TXNL1: variants seen among roughly 807,000 people sequenced by gnomAD.
TXNL1 encodes thioredoxin-like protein 1.
A neutral mutation model predicts 35.5 loss-of-function variants in TXNL1; 14 were observed. That is an observed-to-expected ratio of 0.39 (90% confidence interval 0.26 to 0.62). TXNL1 has a LOEUF of 0.62. TXNL1 is among the 20% of genes least tolerant of loss of function. The probability of loss-of-function intolerance (pLI) is 0.47; values close to 1 mark genes in which losing one functional copy is unlikely to be tolerated. For missense variants in TXNL1, 263 were observed against 349.7 expected, an observed-to-expected ratio of 0.75 and a Z score of 1.98; for synonymous variants, 110 against 115.5, an observed-to-expected ratio of 0.95 and a Z score of 0.31.
At chr18:56,626,168 CAATT>C (rs2024274778) in intron 2 of TXNL1, 189 bp downstream of exon 2, 4 of 1,304,222 alleles carry the variant, frequency 3.1e-6, no homozygotes, top group South Asian at 2.5e-5. Context: ...AAACCTGAAG[CAATT>C]AATAATGTGC....
Position 56,597,619 on chromosome 18 carries a change from T to G in TXNL1, c.*5408A>C, listed in dbSNP as rs1447471925. On this transcript the variant is annotated 3_prime_UTR_variant, in exon 8 of 8. Coordinates refer to ENST00000217515, the MANE Select transcript of TXNL1 (RefSeq NM_004786.3). ...TCCAGGTTCCTCTTTTCCCAATTCT[T>G]TAATATTTCTTAGGATTCCCTAACA... 1 of 152,220 alleles carries G rather than the reference T, an allele frequency of 6.6e-6. No homozygotes were observed. The highest frequency in any genetic ancestry group is 2.4e-5 in the African/African-American group (1 of 41,452). The allele number at this position is 152,220 out of a possible 1,614,324, so 9.4% of individuals were successfully genotyped here.
At chr18:56,616,145 A>AG in intron 5 of TXNL1, 100 bp downstream of exon 5, 1 of 1,110,138 alleles carries the variant, frequency 9.0e-7, no homozygotes, top group Non-Finnish European at 1.3e-6. Context: ...AAAAAAAAAA[A>AG]AGAAAAAACA....
At chr18:56,608,508 T>G (rs1167030231) in intron 7 of TXNL1, 2 of 152,182 alleles carry the variant, frequency 1.3e-5, no homozygotes, top group African/African-American at 4.8e-5. Context: ...GGGAGTAGAT[T>G]ATGGTATTCA....
chr18:56,632,038 T>C (rs563985469), intron 1 of TXNL1, among the ~76,000 whole-genome samples: 33 of 151,840 alleles, frequency 2.2e-4, no homozygotes, highest in Middle Eastern at 3.4e-3. Flanking sequence ...ACACCAAACA[T>C]CCTAGTTGGC....
chr18:56,632,280 C>T (rs57447599), intron 1 of TXNL1, among the ~76,000 whole-genome samples: 5,696 of 151,592 alleles, frequency 0.038, 356 homozygotes, highest in African/African-American at 0.13. Flanking sequence ...TCTAAAGCCA[C>T]AGTTAAAGAA....
At chr18:56,603,988 T>C (rs969020886) in intron 7 of TXNL1, among the ~76,000 whole-genome samples, 1 of 152,198 alleles carries the variant, frequency 6.6e-6, no homozygotes, top group African/African-American at 2.4e-5. Context: ...CATCAGTACA[T>C]GTCTGGTCTA....
Position 56,610,361 on chromosome 18 carries a change from A to G in TXNL1, c.840+632T>C, listed in dbSNP as rs1312227484. 5 of 152,408 alleles carry G rather than the reference A, an allele frequency of 3.3e-5. No homozygotes were observed. In the East Asian group the frequency reaches 9.6e-4, roughly 29 times the overall value. The allele number at this position is 152,408 out of a possible 1,614,324, so 9.4% of individuals were successfully genotyped here. ...TTCCAGTAATGTACAGAAGGAATTA[A>G]TCTGGATTAACAAAGGTCCCATGTA... is the stretch of plus-strand genomic sequence containing the variant. On this transcript the variant is annotated intron_variant, in intron 7 of 7. Transcript: ENST00000217515.
At chr18:56,617,970 A>G (rs1318159895) in intron 4 of TXNL1, 34 bp downstream of exon 4, 1 of 1,610,360 alleles carries the variant, frequency 6.2e-7, no homozygotes, top group South Asian at 1.1e-5. Context: ...AAATAGTGAT[A>G]ATCTCCACAA....
intron 6 of TXNL1, 37 bp from the exon 7 acceptor site, chr18:56,611,134 T>G (rs1199336631): frequency 7.6e-7 from 1 of 1,311,336 alleles, no homozygotes; most frequent in African/African-American, 1.5e-5. Flanking sequence ...ATTACAATCC[T>G]TCTTCACAAA....
chr18:56,601,800 C>G lies in TXNL1; in HGVS notation c.*1227G>C, dbSNP rs1360178856. 1 of 152,140 alleles carries G rather than the reference C, an allele frequency of 6.6e-6. No individual in the cohort carries two copies. The highest frequency in any genetic ancestry group is 1.5e-5 in the Non-Finnish European group (1 of 68,028). The allele number at this position is 152,140 out of a possible 1,614,324, so 9.4% of individuals were successfully genotyped here. The stretch of plus-strand genomic sequence containing the variant: ...CTTTAAAAATAGTTTTCAAAATACT[C>G]AGAAATTTTAAAATTAAAACTACCA... On this transcript the variant is annotated 3_prime_UTR_variant, in exon 8 of 8. Transcript: ENST00000217515.
chr18:56,603,478 A>G (rs1398230769), intron 7 of TXNL1, among the ~76,000 whole-genome samples: 1 of 152,140 alleles, frequency 6.6e-6, no homozygotes, highest in Non-Finnish European at 1.5e-5. Flanking sequence ...CCAATATAGC[A>G]AATTTCCAGA....
At chr18:56,638,309 G>T in intron 1 of TXNL1, 34 bp downstream of exon 1, 3 of 1,583,704 alleles carry the variant, frequency 1.9e-6, no homozygotes, top group Non-Finnish European at 2.6e-6. Context: ...AGGAAGGACA[G>T]ACGGGGACCC....
chr18:56,605,443 T>G (rs1472891862), intron 7 of TXNL1, among the ~76,000 whole-genome samples: 6 of 152,242 alleles, frequency 3.9e-5, no homozygotes, highest in African/African-American at 1.4e-4. Flanking sequence ...ATGGCCAGTT[T>G]AGAAAAGTCT....
At chr18:56,627,492 T>C (rs2024304626) in intron 1 of TXNL1, among the ~76,000 whole-genome samples, 1 of 152,178 alleles carries the variant, frequency 6.6e-6, no homozygotes, top group Non-Finnish European at 1.5e-5. Context: ...AGAACTATCA[T>C]AAACCTTTAT....
At position 56,624,442 on chromosome 18, in the gene TXNL1, T is replaced by C. The variant is rs764038038; in HGVS notation, c.215A>G (p.Asn72Ser). ...CAAAAATGTAGGTGTTGCTGATATA[T>C]TGTTGGTGGCAGCTGTTCCCTAGAA... Reference protein sequence around the residue: ...HQCQGTAATNNISATPTFLFF... With the variant: ...HQCQGTAATNSISATPTFLFF... Residue 72 changes from asparagine to serine, a missense_variant, in exon 3 of 8, where the codon AAT becomes AGT. By Grantham distance (46) the Asn-to-Ser change is conservative. Transcript: ENST00000217515. 1 of 1,613,074 alleles carries C rather than the reference T, an allele frequency of 6.2e-7. No individual in the cohort carries two copies. The highest frequency in any genetic ancestry group is 8.5e-7 in the Non-Finnish European group (1 of 1,179,264).
chr18:56,621,240 T>C (rs1157938867), intron 3 of TXNL1, among the ~76,000 whole-genome samples: 1 of 151,410 alleles, frequency 6.6e-6, no homozygotes, highest in African/African-American at 2.4e-5. Context: ...AGTCTCCCTC[T>C]GTTGCCCAGG....
chr18:56,615,627 T>G (rs891118028), intron 5 of TXNL1, among the ~76,000 whole-genome samples: 1 of 152,138 alleles, frequency 6.6e-6, no homozygotes, highest in South Asian at 2.1e-4. Flanking sequence ...TAAAAGGAAT[T>G]TGAAATAAAT....
intron 1 of TXNL1, among the ~76,000 whole-genome samples, chr18:56,635,786 GACCT>G (rs1031654245): frequency 1.5e-4 from 23 of 152,148 alleles, no homozygotes; most frequent in African/African-American, 5.6e-4. Context: ...TTAGTTTCAG[GACCT>G]CCAGCAAGAC....
At chr18:56,635,831 G>A (rs1208158905) in intron 1 of TXNL1, among the ~76,000 whole-genome samples, 1 of 152,154 alleles carries the variant, frequency 6.6e-6, no homozygotes, top group East Asian at 1.9e-4. Context: ...GGGCCTAATA[G>A]AAAATGACAT....
Sources: allele counts gnomAD v4.1 joint callset (sites outside exome capture counted in the v4.1 genomes callset), GRCh38; gene constraint gnomAD v4.1.1; transcripts MANE v1.5; gene names NCBI Gene and HGNC (gene_info 2026-07-23, HGNC 2026-07-21).